The following RBM23 variants were observed in gnomAD, a reference collection of about 807,000 sequenced individuals.
The protein encoded by RBM23 is probable RNA-binding protein 23.
Under a neutral mutation model 56.2 loss-of-function variants are expected in RBM23, and 53 were observed. The ratio of observed to expected loss-of-function variants is 0.94; its 90% CI spans 0.76 to 1.19. RBM23 has a LOEUF of 1.19. RBM23 is among the 50% of genes most tolerant of loss of function. RBM23 has a pLI of 0.00. For missense variants in RBM23, 642 were observed against 590.3 expected (o/e 1.09, Z -0.91); for synonymous variants, 197 against 198.5 (o/e 0.99, Z 0.06).
At position 22,906,294 on chromosome 14, in the gene RBM23, C is replaced by T. The variant is rs369065745; in HGVS notation, c.302G>A (p.Arg101His). ...ATGTCGACGATCCCAGCTACGGCTA[C>T]GGTGACGACACTGCCGACCTGGACT... ...SRSPGRQCRH[R>H]SRSWDRRHGS... The change falls in exon 5 of 14, where the codon CGT (arginine) becomes CAT (histidine). Residue 101 changes from arginine (R) to histidine (H), a missense_variant. By Grantham distance (29) the Arg-to-His change is conservative (BLOSUM62 0). Transcript: ENST00000359890. 70 of 1,614,120 alleles carry T rather than the reference C, an allele frequency of 4.3e-5. No individual in the cohort carries two copies. The highest frequency in any genetic ancestry group is 2.8e-4 in the African/African-American group (21 of 74,942).
chr14:22,908,348 C>A lies in RBM23; in HGVS notation c.212G>T (p.Arg71Met), dbSNP rs548036119. The A allele has an allele frequency of 7.1e-6, 11 of 1,549,790 alleles. No homozygotes were observed. In the African/African-American group the frequency reaches 1.5e-4, roughly 21 times the overall value. Residue 71 changes from arginine (R) to methionine (M), a missense_variant, in exon 4 of 14, where the codon AGG (arginine) becomes ATG (methionine). By Grantham distance (91) the Arg-to-Met change is moderately conservative. Coordinates refer to ENST00000359890, the MANE Select transcript of RBM23 (RefSeq NM_001077351.2). Reference sequence around the variant, plus strand: ...AATTACTGACCTGCGCTTTCTATCCCTGCTTTTATTATGGCTCCGACTCCT... The same window carrying A: ...AATTACTGACCTGCGCTTTCTATCCATGCTTTTATTATGGCTCCGACTCCT... ...KKRSRSHNKS[R>M]DRKRSRSRDR...
chr14:22,911,302 TC>T, intron 2 of RBM23, 25 bp downstream of exon 2: 1 of 1,602,560 alleles, frequency 6.2e-7, no homozygotes. Flanking sequence ...TTAACCCAAT[TC>T]CAGGAGTGAG....
In RBM23 at chr14:22,896,309, G is replaced by A. The variant is rs780418956; in HGVS notation, c.*5421C>T. 11 of 152,186 alleles carry A rather than the reference G, an allele frequency of 7.2e-5. No individual in the cohort carries two copies. The highest frequency in any genetic ancestry group is 2.7e-4 in the African/African-American group (11 of 41,426). The allele number at this position is 152,186 out of a possible 1,614,324, so 9.4% of individuals were successfully genotyped here. On this transcript the variant is annotated 3_prime_UTR_variant, in exon 14 of 14. Transcript: ENST00000359890. ...CAAGCTTATTCAGCTAGTTTGTGAG[G>A]GAAGAGGGATCTGAACCATGCTGTG...
chr14:22,903,472 A>G (rs1476027768), intron 10 of RBM23: 1 of 985,532 alleles, frequency 1.0e-6, no homozygotes, highest in Non-Finnish European at 1.2e-6. Flanking sequence ...TAGCAGCATT[A>G]CCTGCCTTAG....
At position 22,911,388 on chromosome 14, in the gene RBM23, T is replaced by A; in HGVS notation, c.6A>T (p.Ala2=). 1.2e-6 allele frequency: 2 copies of A among 1,613,540 alleles called. No homozygotes were observed. Among genetic ancestry groups the A allele is most frequent in the Non-Finnish European group, 1.7e-6 (2 of 1,179,576 alleles). Residue 2 remains alanine (A), a synonymous_variant, in exon 2 of 14, where the codon GCA becomes GCT. Transcript: ENST00000359890. ...CAATCACTATGTCAAAGTCATCAGA[T>A]GCCATCCTGTCAGATCTGGGGAGAG... M[A]SDDFDIVIEA...
chr14:22,907,117 T>C (rs2041706635), intron 4 of RBM23, among the ~76,000 whole-genome samples: 2 of 151,942 alleles, frequency 1.3e-5, no homozygotes, highest in East Asian at 3.9e-4. Flanking sequence ...GAGGTTGCAG[T>C]GAGCCGACGT....
Position 22,901,502 on chromosome 14 carries a change from G to T in RBM23, c.*228C>A. ...GAAACAGGTATTCAATGCAGGTGTGGATTCTGTTCTCTTCAACTGGTGGCT... is the reference window on the plus strand; with the variant it reads ...GAAACAGGTATTCAATGCAGGTGTGTATTCTGTTCTCTTCAACTGGTGGCT... On this transcript the variant is annotated 3_prime_UTR_variant, in exon 14 of 14. Coordinates refer to ENST00000359890, the MANE Select transcript of RBM23 (RefSeq NM_001077351.2). 3 of 621,198 alleles carry T rather than the reference G, an allele frequency of 4.8e-6. No individual in the cohort carries two copies. The highest frequency in any genetic ancestry group is 8.6e-6 in the Non-Finnish European group (3 of 347,752). 38.5% of individuals were successfully genotyped at this position (621,198 alleles called of 1,614,324 possible).
rs181123325 is a variant in RBM23, at chr14:22,902,694, G to A, written c.931-312C>T. The stretch of plus-strand genomic sequence containing the variant: ...TCACAAATGGGTATATCAAATGGAA[G>A]ACAAGCTAAGAACAAGGCTCCTGGG... On this transcript the variant is annotated intron_variant, in intron 10 of 13. Transcript: ENST00000359890. 30 of 1,020,958 alleles carry A rather than the reference G, an allele frequency of 2.9e-5. No individual in the cohort carries two copies. In the East Asian group the frequency reaches 1.9e-3, roughly 64 times the overall value. 63.2% of individuals were successfully genotyped at this position (1,020,958 alleles called of 1,614,324 possible).
At position 22,901,610 on chromosome 14, in the gene RBM23, G is replaced by T; in HGVS notation, c.*120C>A. ...TAAGGGTGGCCCCAATTTCCTCAGA[G>T]ACAATGTCCATGCCCTCAGGATGGC... On this transcript the variant is annotated 3_prime_UTR_variant, in exon 14 of 14. Coordinates refer to ENST00000359890, the MANE Select transcript of RBM23 (RefSeq NM_001077351.2). 7.0e-7 allele frequency: 1 copy of T among 1,431,270 alleles called. No homozygotes were observed. Among genetic ancestry groups the T allele is most frequent in the South Asian group, 1.2e-5 (1 of 83,694 alleles). 88.7% of individuals were successfully genotyped at this position (1,431,270 alleles called of 1,614,324 possible).
At chr14:22,907,319 G>A (rs554124619) in intron 4 of RBM23, among the ~76,000 whole-genome samples, 3 of 152,090 alleles carry the variant, frequency 2.0e-5, no homozygotes, top group Non-Finnish European at 2.9e-5. Context: ...TCCAGCCTGG[G>A]CAACAAAAGC....
intron 4 of RBM23, 118 bp from the exon 5 acceptor site, chr14:22,906,486 G>T: frequency 8.5e-7 from 1 of 1,175,098 alleles, no homozygotes. Flanking sequence ...ATAACCTAGT[G>T]ATGTTACAGC....
At position 22,903,113 on chromosome 14, in the gene RBM23, T is replaced by A. The variant is rs2040906413; in HGVS notation, c.931-731A>T. 3.0e-6 allele frequency: 3 copies of A among 985,234 alleles called. No homozygotes were observed. In the Admixed American group the frequency reaches 1.8e-4, roughly 61 times the overall value. 61.0% of individuals were successfully genotyped at this position (985,234 alleles called of 1,614,324 possible). A position where few individuals can be genotyped will look rare whatever the true frequency, so the allele number is the denominator to read the frequency against. ...TAGTTAAGTACTAGGAATCTGGAAC[T>A]CCTAATTCCAGGCTTAAGAGGGAAC... On this transcript the variant is annotated intron_variant, in intron 10 of 13. Coordinates refer to ENST00000359890, the MANE Select transcript of RBM23 (RefSeq NM_001077351.2).
intron 10 of RBM23, chr14:22,902,770 T>TC: frequency 1.0e-6 from 1 of 966,202 alleles, no homozygotes; most frequent in Non-Finnish European, 1.2e-6. Context: ...TTTTTTTTTT[T>TC]TTTTTTTTTT....
At chr14:22,908,089 C>T (rs959402664) in intron 4 of RBM23, among the ~76,000 whole-genome samples, 2 of 152,096 alleles carry the variant, frequency 1.3e-5, no homozygotes, top group African/African-American at 2.4e-5. Context: ...GCTGCAATCT[C>T]GGCTCACTGC....
In RBM23 at chr14:22,905,086, C is replaced by T. The variant is rs759082634; in HGVS notation, c.726+8G>A. ...TAAAATCTTATGTCTGTTTCTCAGC[C>T]TGCTCACCTGTGAAGCCTGTACAAT... On this transcript the variant is annotated splice_region_variant and intron_variant, in intron 8 of 13. Transcript: ENST00000359890. 6.2e-7 allele frequency: 1 copy of T among 1,614,034 alleles called. No individual in the cohort carries two copies. Among genetic ancestry groups the T allele is most frequent in the South Asian group, 1.1e-5 (1 of 91,080 alleles).
chr14:22,905,310 G>A (rs371922671), intron 7 of RBM23, 26 bp downstream of exon 7: 6 of 1,613,884 alleles, frequency 3.7e-6, no homozygotes, highest in Non-Finnish European at 5.1e-6. Flanking sequence ...AAGCTACTCA[G>A]AAGAAAACTA....
chr14:22,911,186 G>A (rs2042457072), intron 2 of RBM23, 142 bp downstream of exon 2: 1 of 719,756 alleles, frequency 1.4e-6, no homozygotes, highest in African/African-American at 1.8e-5. Context: ...AGCTTACTAA[G>A]ACTATGCCTT....
intron 1 of RBM23, among the ~76,000 whole-genome samples, chr14:22,918,643 G>A (rs1382329625): frequency 6.6e-6 from 1 of 152,152 alleles, no homozygotes; most frequent in East Asian, 1.9e-4. Flanking sequence ...GGCTGAAACT[G>A]ATGATGCGTG....
rs1206760927 is a variant in RBM23, at chr14:22,905,447, T to C, written c.462A>G (p.Pro154=). 9 of 1,614,050 alleles carry C rather than the reference T, an allele frequency of 5.6e-6. No individual in the cohort carries two copies. Among genetic ancestry groups the C allele is most frequent in the Non-Finnish European group, 8.5e-7 (1 of 1,180,004 alleles). The change falls in exon 7 of 14, where the codon CCA becomes CCG. Residue 154 remains proline (P), a synonymous_variant. Transcript: ENST00000359890. ...GCTCCTCAGGACTCAGATTATCAAC[T>C]GGCTCCCTGAAGAGTGAAATGTGTT... is the stretch of plus-strand genomic sequence containing the variant. The part of the protein sequence containing the change: ...HFREKSPVRE[P]VDNLSPEERD...
Sources: allele counts gnomAD v4.1 joint callset (sites outside exome capture counted in the v4.1 genomes callset), GRCh38; gene constraint gnomAD v4.1.1; transcripts MANE v1.5; gene names NCBI Gene and HGNC (gene_info 2026-07-23, HGNC 2026-07-21).